ZNF618: variants seen among roughly 807,000 people sequenced by gnomAD.
The protein encoded by ZNF618 is neural precursor cell expressed, developmentally down-regulated 10.
Under a neutral mutation model 103.0 loss-of-function variants are expected in ZNF618, and 34 were observed. The observed-to-expected ratio is 0.33, with a 90% CI of 0.25 to 0.44. ZNF618 has a LOEUF of 0.44. Ranked by LOEUF, ZNF618 falls within the 20% of genes least tolerant of loss-of-function variation. The pLI is 1.00. For missense variants in ZNF618, 1,059 were observed against 1,295.4 expected, an observed-to-expected ratio of 0.82 and a Z score of 2.80; for synonymous variants, 551 against 542.2, an observed-to-expected ratio of 1.02 and a Z score of -0.23.
intron 1 of ZNF618, among the ~76,000 whole-genome samples, chr9:113,966,829 C>A (rs897890625): frequency 6.6e-6 from 1 of 152,212 alleles, no homozygotes; most frequent in African/African-American, 2.4e-5. Context: ...AGCAGCACCA[C>A]CTGAGTCTCT....
chr9:113,879,395 C>CTTTTTTTTTTTTTTTTTTT (rs1828282806), intron 1 of ZNF618, among the ~76,000 whole-genome samples: 1 of 75,922 alleles, frequency 1.3e-5, no homozygotes, highest in African/African-American at 5.9e-5. Context: ...TTTTTTTTTT[C>CTTTTTTTTTTTTTTTTTTT]TGTTTTTTTT....
intron 1 of ZNF618, among the ~76,000 whole-genome samples, chr9:113,898,149 C>T (rs970110105): frequency 1.3e-5 from 2 of 152,156 alleles, no homozygotes; most frequent in African/African-American, 2.4e-5. Context: ...CCTAGAGCTT[C>T]TCTTTCTGTT....
At chr9:114,039,971 C>T (rs988029666) in intron 13 of ZNF618, among the ~76,000 whole-genome samples, 6 of 150,948 alleles carry the variant, frequency 4.0e-5, no homozygotes, top group Non-Finnish European at 7.4e-5. Context: ...ATAGCCACAC[C>T]GAGGAAACCT....
At chr9:113,919,833 G>A (rs769945683) in intron 1 of ZNF618, among the ~76,000 whole-genome samples, 5 of 152,374 alleles carry the variant, frequency 3.3e-5, no homozygotes, top group African/African-American at 4.8e-5. Context: ...CTGGCTCTTC[G>A]TAGTCTAATG....
chr9:113,940,516 A>G (rs1021358943), intron 1 of ZNF618, among the ~76,000 whole-genome samples: 1 of 148,898 alleles, frequency 6.7e-6, no homozygotes, highest in Admixed American at 6.7e-5. Flanking sequence ...TCTGTATTTT[A>G]TGGGTACGTA....
intron 1 of ZNF618, among the ~76,000 whole-genome samples, chr9:113,902,967 C>T: frequency 6.6e-6 from 1 of 152,122 alleles, no homozygotes; most frequent in East Asian, 1.9e-4. Flanking sequence ...ACATGGACCC[C>T]TGGGAGGCCT....
chr9:113,965,738 G>A (rs1368031775), intron 1 of ZNF618, among the ~76,000 whole-genome samples: 1 of 152,204 alleles, frequency 6.6e-6, no homozygotes, highest in Non-Finnish European at 1.5e-5. Context: ...ATGAGACTCA[G>A]AGCCAGGGAA....
At chr9:113,976,632 G>T (rs996501779) in intron 2 of ZNF618, among the ~76,000 whole-genome samples, 2 of 152,168 alleles carry the variant, frequency 1.3e-5, no homozygotes, top group African/African-American at 2.4e-5. Flanking sequence ...CTTGGCTGCA[G>T]TGTGGGTCTC....
rs567262626 is a variant in ZNF618, at chr9:114,056,568, T to C, written c.*6401T>C. 1.3e-5 allele frequency: 2 copies of C among 152,338 alleles called. No homozygotes were observed. The highest frequency in any genetic ancestry group is 4.8e-5 in the African/African-American group (2 of 41,574). The allele number at this position is 152,338 out of a possible 1,614,324, so 9.4% of individuals were successfully genotyped here. A position where few individuals can be genotyped will look rare whatever the true frequency, so the allele number is the denominator to read the frequency against. ...TTTCATGTCAGTGTTGTATTTATGGTTTTACAATAAAACAACCTTTAGGAA... is the reference window on the plus strand; with the variant it reads ...TTTCATGTCAGTGTTGTATTTATGGCTTTACAATAAAACAACCTTTAGGAA... On this transcript the variant is annotated 3_prime_UTR_variant, in exon 15 of 15. Coordinates refer to ENST00000374126, the MANE Select transcript of ZNF618 (RefSeq NM_001318042.2).
chr9:113,951,475 GTGTA>G (rs1835673155), intron 1 of ZNF618, among the ~76,000 whole-genome samples: 2 of 27,386 alleles, frequency 7.3e-5, no homozygotes, highest in African/African-American at 1.1e-4. Flanking sequence ...ATGTGTGTAT[GTGTA>G]CACATATATG....
At chr9:113,973,099 C>CA (rs1390638372) in intron 2 of ZNF618, among the ~76,000 whole-genome samples, 1 of 152,162 alleles carries the variant, frequency 6.6e-6, no homozygotes, top group Admixed American at 6.5e-5. Flanking sequence ...AGAACATTGT[C>CA]AGTGTGGTGG....
intron 10 of ZNF618, among the ~76,000 whole-genome samples, chr9:114,026,679 T>C (rs754122693): frequency 3.3e-5 from 5 of 152,258 alleles, no homozygotes; most frequent in Non-Finnish European, 4.4e-5. Flanking sequence ...AACAAACTTA[T>C]TATGTCTGTG....
chr9:114,017,769 T>C (rs979844020), intron 10 of ZNF618, among the ~76,000 whole-genome samples: 3 of 152,244 alleles, frequency 2.0e-5, no homozygotes, highest in Non-Finnish European at 4.4e-5. Flanking sequence ...TGAAGCCCCT[T>C]ATAGTCTGGG....
chr9:114,038,631 T>G (rs1402731918), intron 13 of ZNF618, among the ~76,000 whole-genome samples: 1 of 152,246 alleles, frequency 6.6e-6, no homozygotes, highest in Non-Finnish European at 1.5e-5. Flanking sequence ...CTTTCTGTGC[T>G]GTAGGAAAAC....
chr9:114,030,615 G>C (rs2134214335), intron 11 of ZNF618, among the ~76,000 whole-genome samples: 1 of 152,282 alleles, frequency 6.6e-6, no homozygotes, highest in Non-Finnish European at 1.5e-5. Context: ...GTCACCTCTG[G>C]ATTCACCAGC....
In ZNF618 at chr9:114,052,570, G is replaced by C. The variant is rs529180920; in HGVS notation, c.*2403G>C. On this transcript the variant is annotated 3_prime_UTR_variant, in exon 15 of 15. Coordinates refer to ENST00000374126, the MANE Select transcript of ZNF618 (RefSeq NM_001318042.2). ...TCTGGAAGGTGGCCTCAGCATCACT[G>C]ATGATTGACAGATGCTACAGCAAAA... 1 of 152,378 alleles carries C rather than the reference G, an allele frequency of 6.6e-6. No individual in the cohort carries two copies. The highest frequency in any genetic ancestry group is 2.1e-4 in the South Asian group (1 of 4,828). The allele number at this position is 152,378 out of a possible 1,614,324, so 9.4% of individuals were successfully genotyped here. A position where few individuals can be genotyped will look rare whatever the true frequency, so the allele number is the denominator to read the frequency against.
intron 3 of ZNF618, among the ~76,000 whole-genome samples, chr9:113,992,874 A>T (rs1379526688): frequency 6.6e-6 from 1 of 152,112 alleles, no homozygotes. Flanking sequence ...CCAAGTTCGC[A>T]ATGGTTGCTG....
chr9:113,965,917 C>T (rs1014721003), intron 1 of ZNF618, among the ~76,000 whole-genome samples: 2 of 152,104 alleles, frequency 1.3e-5, no homozygotes, highest in South Asian at 2.1e-4. Context: ...AGAAGGCCTT[C>T]GGGCTGTGTG....
At chr9:113,881,524 CT>C (rs1828515608) in intron 1 of ZNF618, among the ~76,000 whole-genome samples, 1 of 152,188 alleles carries the variant, frequency 6.6e-6, no homozygotes, top group South Asian at 2.1e-4. Flanking sequence ...AAGTTACAGT[CT>C]TTTGCGGGGG....
Sources: allele counts gnomAD v4.1 joint callset (sites outside exome capture counted in the v4.1 genomes callset), GRCh38; gene constraint gnomAD v4.1.1; transcripts MANE v1.5; gene names NCBI Gene and HGNC (gene_info 2026-07-23, HGNC 2026-07-21).